CCNY: variants seen among roughly 807,000 people sequenced by gnomAD.
The protein encoded by CCNY is cyclin Y.
In CCNY, 19 loss-of-function variants were observed where a neutral mutation model predicts 42.8. The ratio of observed to expected loss-of-function variants is 0.44; its 90% CI spans 0.31 to 0.65. The LOEUF is 0.65. Among genes scored for constraint, CCNY ranks in the 30% least tolerant of loss-of-function variants. The pLI is 0.07. For synonymous variants in CCNY, 165 were observed against 162.7 expected, an observed-to-expected ratio of 1.01 and a Z score of -0.11; for missense variants, 370 against 437.3, an observed-to-expected ratio of 0.85 and a Z score of 1.37.
intron 1 of CCNY, among the ~76,000 whole-genome samples, chr10:35,375,124 A>C (rs946795234): frequency 1.8e-4 from 27 of 152,182 alleles, no homozygotes; most frequent in Admixed American, 1.2e-3. Context: ...ATGCCATAAC[A>C]AATTACCACA....
intron 1 of CCNY, chr10:35,247,205 TTG>T (rs1243664074): frequency 2.6e-5 from 4 of 152,910 alleles, no homozygotes; most frequent in Admixed American, 1.3e-4. Context: ...GGAGTCATGT[TTG>T]TGAAAAGCTT....
chr10:35,448,175 AGT>A (rs1393485431), intron 1 of CCNY, among the ~76,000 whole-genome samples: 4 of 152,220 alleles, frequency 2.6e-5, no homozygotes, highest in Admixed American at 6.5e-5. Context: ...CAGGTGGCTC[AGT>A]GTGATTGAAT....
chr10:35,517,629 A>G (rs750008871), intron 4 of CCNY, among the ~76,000 whole-genome samples: 4 of 152,200 alleles, frequency 2.6e-5, no homozygotes, highest in Non-Finnish European at 4.4e-5. Context: ...GTGGAGGACA[A>G]GGCCGCTTGG....
chr10:35,416,704 G>A (rs1025342340), intron 1 of CCNY, among the ~76,000 whole-genome samples: 7 of 152,150 alleles, frequency 4.6e-5, no homozygotes, highest in African/African-American at 1.7e-4. Flanking sequence ...GGTTGTGAAC[G>A]TGAGCAACCT....
At chr10:35,372,959 A>T (rs912708742) in intron 1 of CCNY, among the ~76,000 whole-genome samples, 1 of 152,108 alleles carries the variant, frequency 6.6e-6, no homozygotes, top group African/African-American at 2.4e-5. Context: ...CAGCCTCCCA[A>T]AGTGCTGGGA....
rs1032900319 is a variant in CCNY, at chr10:35,516,568, A to G, written c.310A>G (p.Ile104Val). The G allele has an allele frequency of 6.2e-7, 1 of 1,608,318 alleles. No homozygotes were observed. Among genetic ancestry groups the G allele is most frequent in the African/African-American group, 1.4e-5 (1 of 72,822 alleles). The change falls in exon 4 of 10, where the codon ATT becomes GTT. Residue 104 changes from isoleucine to valine, a missense_variant. Coordinates refer to ENST00000374704, the MANE Select transcript of CCNY (RefSeq NM_145012.6). ...IARKYSSCST[I>V]FLDDSTVSQP... Reference sequence around the variant, plus strand: ...AAGGAAATACAGTTCCTGCTCCACCATTTTCCTAGATGATAGCACAGTCAG... The same window carrying G: ...AAGGAAATACAGTTCCTGCTCCACCGTTTTCCTAGATGATAGCACAGTCAG...
At chr10:35,491,874 A>C (rs924764138) in intron 2 of CCNY, among the ~76,000 whole-genome samples, 6 of 151,748 alleles carry the variant, frequency 4.0e-5, no homozygotes, top group Admixed American at 3.9e-4. Context: ...TCGGCCCTCC[A>C]AAGTGCTGGG....
chr10:35,539,494 A>G (rs1840954252), intron 7 of CCNY, among the ~76,000 whole-genome samples: 1 of 152,092 alleles, frequency 6.6e-6, no homozygotes, highest in African/African-American at 2.4e-5. Context: ...CTTTTGTTAA[A>G]TTTATTCCTA....
intron 1 of CCNY, among the ~76,000 whole-genome samples, chr10:35,347,812 A>G (rs913006881): frequency 1.3e-5 from 2 of 152,314 alleles, no homozygotes; most frequent in South Asian, 4.1e-4. Context: ...AGTTAGTGCA[A>G]TGATAATAAT....
chr10:35,410,751 A>G (rs1269638673), intron 1 of CCNY, among the ~76,000 whole-genome samples: 5 of 152,230 alleles, frequency 3.3e-5, no homozygotes, highest in Non-Finnish European at 5.9e-5. Flanking sequence ...AGGCAAGTGC[A>G]CCAGAGCTCT....
chr10:35,400,304 C>T (rs1837616587), intron 1 of CCNY, among the ~76,000 whole-genome samples: 1 of 152,058 alleles, frequency 6.6e-6, no homozygotes, highest in African/African-American at 2.4e-5. Context: ...GGGTTGTTTC[C>T]CCTCTTGGAG....
intron 1 of CCNY, chr10:35,394,806 T>C (rs1166293166): frequency 1.0e-6 from 1 of 983,226 alleles, no homozygotes; most frequent in African/African-American, 1.7e-5. Flanking sequence ...CACCATATTC[T>C]CCTGTTTAGG....
At chr10:35,563,793 G>A (rs1457751112) in intron 8 of CCNY, among the ~76,000 whole-genome samples, 4 of 151,838 alleles carry the variant, frequency 2.6e-5, no homozygotes, top group Middle Eastern at 3.4e-3. Flanking sequence ...TGCAACTTCC[G>A]CCTCCTGGGT....
At chr10:35,534,768 A>AG (rs1383354834) in intron 7 of CCNY, among the ~76,000 whole-genome samples, 4 of 152,046 alleles carry the variant, frequency 2.6e-5, no homozygotes, top group African/African-American at 9.7e-5. Flanking sequence ...ACCCAGGCCC[A>AG]GGAAACCACT....
intron 4 of CCNY, among the ~76,000 whole-genome samples, chr10:35,522,894 A>AGT (rs1168223613): frequency 1.3e-5 from 2 of 152,210 alleles, no homozygotes; most frequent in African/African-American, 4.8e-5. Flanking sequence ...TGAGGCCCCC[A>AGT]GTGGACCCTT....
intron 1 of CCNY, among the ~76,000 whole-genome samples, chr10:35,431,547 G>A (rs926652514): frequency 2.0e-5 from 3 of 151,014 alleles, no homozygotes; most frequent in Admixed American, 2.0e-4. Context: ...AGCACAGTCT[G>A]TCATTGCTCT....
intron 8 of CCNY, among the ~76,000 whole-genome samples, chr10:35,559,050 G>C (rs1045145728): frequency 6.6e-6 from 1 of 152,224 alleles, no homozygotes; most frequent in Non-Finnish European, 1.5e-5. Context: ...TGGTAGAAAT[G>C]TGGGCATTAA....
Position 35,337,062 on chromosome 10 carries a change from CACTACCTCGTGCTGCGTGTCGT to C in CCNY, c.10_31del (p.Thr4ProfsTer22). On this transcript the variant is annotated frameshift_variant, in exon 1 of 10. Transcript: ENST00000374704. LOFTEE classifies it high-confidence loss of function. ...TCGGGGGGCCGCCGAAGATGGGGAA[CACTACCTCGTGCTGCGTGTCGT>C]CCAGTCCCAAGCTCCGGAGGAATGC... is the stretch of plus-strand genomic sequence containing the variant. 6.3e-7 allele frequency: 1 copy of C among 1,580,836 alleles called. No individual in the cohort carries two copies. The highest frequency in any genetic ancestry group is 8.6e-7 in the Non-Finnish European group (1 of 1,165,338).
intron 1 of CCNY, among the ~76,000 whole-genome samples, chr10:35,345,149 A>G (rs917692588): frequency 6.6e-6 from 1 of 152,238 alleles, no homozygotes; most frequent in South Asian, 2.1e-4. Flanking sequence ...AGGAATCACC[A>G]CACTGACTTC....
Sources: allele counts gnomAD v4.1 joint callset (sites outside exome capture counted in the v4.1 genomes callset), GRCh38; gene constraint gnomAD v4.1.1; transcripts MANE v1.5; gene names NCBI Gene and HGNC (gene_info 2026-07-23, HGNC 2026-07-21).